Variants in PAPPA observed in about 807,000 individuals in gnomAD.
PAPPA encodes pappalysin-1.
Under a neutral mutation model 164.0 loss-of-function variants are expected in PAPPA, and 60 were observed. That is an observed-to-expected ratio of 0.37 (90% CI 0.30 to 0.45). The LOEUF (loss-of-function observed/expected upper bound fraction) is 0.45. Ranked by LOEUF, PAPPA falls within the 20% of genes least tolerant of loss-of-function variation. The probability of loss-of-function intolerance (pLI) is 1.00; values close to 1 mark genes in which losing one functional copy is unlikely to be tolerated. For missense variants in PAPPA, 1,782 were observed against 2,087.3 expected (o/e 0.85, Z 2.85); for synonymous variants, 875 against 814.1 (o/e 1.07, Z -1.27).
chr9:116,190,609 A>T (rs1040155746), intron 2 of PAPPA, among the ~76,000 whole-genome samples: 4 of 152,220 alleles, frequency 2.6e-5, no homozygotes, highest in African/African-American at 4.8e-5. Context: ...GCGCTACTAA[A>T]GTTTTGGGGA....
At chr9:116,270,066 G>A (rs535569068) in intron 8 of PAPPA, among the ~76,000 whole-genome samples, 1 of 152,270 alleles carries the variant, frequency 6.6e-6, no homozygotes, top group Non-Finnish European at 1.5e-5. Context: ...AAAAGTCTAA[G>A]GCCTCTTCCA....
intron 2 of PAPPA, among the ~76,000 whole-genome samples, chr9:116,203,358 G>A (rs544770784): frequency 1.1e-4 from 17 of 152,312 alleles, no homozygotes; most frequent in African/African-American, 3.8e-4. Context: ...GAGGTGCTCA[G>A]TAGCTGCCCA....
chr9:116,276,146 G>A (rs1435864184), intron 9 of PAPPA, among the ~76,000 whole-genome samples: 1 of 152,216 alleles, frequency 6.6e-6, no homozygotes, highest in Non-Finnish European at 1.5e-5. Context: ...GGCACTGGCT[G>A]CAGGCATTGT....
At chr9:116,226,824 G>T (rs2118721926) in intron 5 of PAPPA, among the ~76,000 whole-genome samples, 1 of 152,346 alleles carries the variant, frequency 6.6e-6, no homozygotes, top group Non-Finnish European at 1.5e-5. Flanking sequence ...CCCTTGGAAA[G>T]CCGCTACAAT....
intron 10 of PAPPA, among the ~76,000 whole-genome samples, chr9:116,321,030 ATTT>A (rs373269177): frequency 1.4e-5 from 2 of 142,948 alleles, no homozygotes. Context: ...GTTGTTATAC[ATTT>A]TTTTTTTTTT....
In PAPPA at chr9:116,401,961, C is replaced by T. The variant is rs1482199982; in HGVS notation, c.*5345C>T. ...GTACCTCACGCGCATAAATTTGCTG[C>T]TCCTATTTTTTTTTCTGTTTATGTG... On this transcript the variant is annotated 3_prime_UTR_variant, in exon 22 of 22. Transcript: ENST00000328252. 6.6e-6 allele frequency: 1 copy of T among 151,884 alleles called. No homozygotes were observed. The highest frequency in any genetic ancestry group is 1.5e-5 in the Non-Finnish European group (1 of 67,868). 9.4% of individuals were successfully genotyped at this position (151,884 alleles called of 1,614,324 possible). A position where few individuals can be genotyped will look rare whatever the true frequency, so the allele number is the denominator to read the frequency against.
chr9:116,248,088 G>C (rs1236869752), intron 7 of PAPPA, among the ~76,000 whole-genome samples: 3 of 152,190 alleles, frequency 2.0e-5, no homozygotes, highest in Admixed American at 1.3e-4. Flanking sequence ...CCATGATAGA[G>C]AGTATGTGTA....
At chr9:116,369,289 C>T (rs1435781504) in intron 19 of PAPPA, among the ~76,000 whole-genome samples, 2 of 152,160 alleles carry the variant, frequency 1.3e-5, no homozygotes, top group African/African-American at 2.4e-5. Flanking sequence ...CCCCAGTGCA[C>T]CCTGATATGC....
Position 116,358,650 on chromosome 9 carries a change from A to C in PAPPA, c.4348-3942A>C, listed in dbSNP as rs1287145286. ...TTTTGTCTTGCTCGGATGCCACTAC[A>C]TTTCTTTCCGCTATTATTTTGTTTA... is the stretch of plus-strand genomic sequence containing the variant. On this transcript the variant is annotated intron_variant, in intron 17 of 21. Transcript: ENST00000328252. 3.3e-5 allele frequency among the ~76,000 whole-genome samples: 5 copies of C among 152,132 alleles called. No homozygotes were observed. In the South Asian group the frequency reaches 1.0e-3, roughly 32 times the overall value.
intron 11 of PAPPA, 142 bp from the exon 12 acceptor site, chr9:116,332,191 C>G: frequency 1.7e-6 from 1 of 583,686 alleles, no homozygotes; most frequent in Non-Finnish European, 3.0e-6. Flanking sequence ...TTCATTGCCT[C>G]CTCCTTCCCA....
At chr9:116,215,730 T>C (rs1388613477) in intron 4 of PAPPA, among the ~76,000 whole-genome samples, 1 of 152,150 alleles carries the variant, frequency 6.6e-6, no homozygotes, top group Non-Finnish European at 1.5e-5. Context: ...GCACATGTAC[T>C]CCTGAACTTA....
chr9:116,344,639 C>T lies in PAPPA; in HGVS notation c.3708C>T (p.Ala1236=), dbSNP rs1207899035. 6.2e-7 allele frequency: 1 copy of T among 1,614,146 alleles called. No homozygotes were observed. ...CCAGCAGCGACCGCTACCACGGTGC[C>T]CAGTGTACTGTGAGCTGCCGGACAG... ...NCSSSDRYHG[A]QCTVSCRTGY... The change falls in exon 14 of 22, where the codon GCC becomes GCT. Residue 1236 remains alanine, a synonymous_variant. Transcript: ENST00000328252.
intron 4 of PAPPA, among the ~76,000 whole-genome samples, chr9:116,215,088 ATAT>A (rs1010269042): frequency 1.3e-5 from 2 of 152,180 alleles, no homozygotes; most frequent in African/African-American, 4.8e-5. Context: ...ATGTGATAGG[ATAT>A]TATAGGGCCA....
At chr9:116,304,735 T>TA (rs1360121670) in intron 10 of PAPPA, among the ~76,000 whole-genome samples, 2 of 152,106 alleles carry the variant, frequency 1.3e-5, no homozygotes, top group African/African-American at 4.8e-5. Flanking sequence ...AAATCCAATT[T>TA]AAAAAATCAT....
chr9:116,344,873 CAATT>C (rs1846187567), intron 14 of PAPPA, among the ~76,000 whole-genome samples, 162 bp downstream of exon 14: 1 of 152,188 alleles, frequency 6.6e-6, no homozygotes, highest in Non-Finnish European at 1.5e-5. Context: ...ATGAATGAAT[CAATT>C]AACCAAGCAA....
At chr9:116,278,654 G>GTTT (rs144418063) in intron 9 of PAPPA, among the ~76,000 whole-genome samples, 4,716 of 148,730 alleles carry the variant, frequency 0.032, 248 homozygotes, top group African/African-American at 0.11. Flanking sequence ...TAGCCAAATC[G>GTTT]TTTTTTTTTT....
intron 10 of PAPPA, among the ~76,000 whole-genome samples, chr9:116,317,899 A>T (rs996130776): frequency 6.6e-6 from 1 of 152,220 alleles, no homozygotes; most frequent in Non-Finnish European, 1.5e-5. Context: ...AGAATTCATG[A>T]CATTTCATTA....
At chr9:116,282,632 A>T (rs1259837292) in intron 9 of PAPPA, among the ~76,000 whole-genome samples, 2 of 152,230 alleles carry the variant, frequency 1.3e-5, no homozygotes, top group African/African-American at 2.4e-5. Flanking sequence ...CGTTCCCAGT[A>T]AGGGATTCTA....
At chr9:116,164,557 G>A (rs1045937697) in intron 1 of PAPPA, among the ~76,000 whole-genome samples, 10 of 152,186 alleles carry the variant, frequency 6.6e-5, no homozygotes, top group Admixed American at 6.5e-5. Flanking sequence ...TAGGGGCAGC[G>A]TACCACTAGT....
Sources: allele counts gnomAD v4.1 joint callset (sites outside exome capture counted in the v4.1 genomes callset), GRCh38; gene constraint gnomAD v4.1.1; transcripts MANE v1.5; gene names NCBI Gene and HGNC (gene_info 2026-07-23, HGNC 2026-07-21).